The following ALK variants were observed in gnomAD, a reference collection of about 807,000 sequenced individuals.
ALK encodes the protein ALK tyrosine kinase receptor.
In ALK, 74 loss-of-function variants were observed where a neutral mutation model predicts 163.1. That is an observed-to-expected ratio of 0.45 (90% CI 0.38 to 0.55). ALK has a LOEUF of 0.55. ALK is among the 20% of genes least tolerant of loss of function. ALK has a pLI of 0.00. For synonymous variants in ALK, 960 were observed against 843.2 expected (o/e 1.14, Z -2.40); for missense variants, 2,063 against 2,105.3 (o/e 0.98, Z 0.39).
At chr2:29,218,758 T>G (rs1256367238) in intron 23 of ALK, among the ~76,000 whole-genome samples, 1 of 152,252 alleles carries the variant, frequency 6.6e-6, no homozygotes, top group East Asian at 1.9e-4. Flanking sequence ...GGGCTGTGCC[T>G]CTTCCCAAAG....
rs200110390 is a variant in ALK at position 29,207,320 on chromosome 2, A to T, written c.3837-48T>A. On this transcript the variant is annotated intron_variant, in intron 25 of 28. Coordinates refer to ENST00000389048, the MANE Select transcript of ALK (RefSeq NM_004304.5). ...CAAACTAGGATCTGGAGATGGCATT[A>T]AGCATCTGCCCTGCTGGGAAAGTTG... The T allele has an allele frequency of 5.8e-5, 82 of 1,411,494 alleles. No homozygotes were observed. The African/African-American group carries it at 1.1e-3, about 18-fold the overall frequency. The allele number at this position is 1,411,494 out of a possible 1,614,324, so 87.4% of individuals were successfully genotyped here.
chr2:29,455,728 TG>T (rs1306946708), intron 4 of ALK, among the ~76,000 whole-genome samples: 1 of 152,148 alleles, frequency 6.6e-6, no homozygotes, highest in Non-Finnish European at 1.5e-5. Flanking sequence ...GTAAGAGAAA[TG>T]GGAATTCAAA....
At chr2:29,402,107 G>A (rs982059605) in intron 4 of ALK, among the ~76,000 whole-genome samples, 5 of 152,208 alleles carry the variant, frequency 3.3e-5, no homozygotes, top group Non-Finnish European at 5.9e-5. Context: ...CTTTGGCAGC[G>A]GGTGTTGAGT....
intron 3 of ALK, among the ~76,000 whole-genome samples, chr2:29,548,330 G>A (rs930366086): frequency 3.3e-5 from 5 of 152,204 alleles, no homozygotes; most frequent in South Asian, 4.2e-4. Context: ...AAACTTAGCC[G>A]GGCGTGGTGG....
At chr2:29,687,515 A>AT (rs1314877913) in intron 3 of ALK, among the ~76,000 whole-genome samples, 1 of 151,972 alleles carries the variant, frequency 6.6e-6, no homozygotes, top group Non-Finnish European at 1.5e-5. Flanking sequence ...TCGAATGATA[A>AT]TTTTTTATTC....
At chr2:29,583,047 T>TG (rs1553335230) in intron 3 of ALK, among the ~76,000 whole-genome samples, 1 of 149,872 alleles carries the variant, frequency 6.7e-6, no homozygotes, top group African/African-American at 2.5e-5. Flanking sequence ...TTTTTGTTTT[T>TG]TTGTTTTTTT....
At chr2:29,414,213 C>T (rs7592961) in intron 4 of ALK, among the ~76,000 whole-genome samples, 10,087 of 152,156 alleles carry the variant, frequency 0.066, 1,088 homozygotes, top group African/African-American at 0.22. Flanking sequence ...TTATGTGGCA[C>T]GTGACTATAT....
chr2:29,685,336 T>C (rs1678204474), intron 3 of ALK, among the ~76,000 whole-genome samples: 1 of 152,132 alleles, frequency 6.6e-6, no homozygotes, highest in South Asian at 2.1e-4. Context: ...TTTCTAGCAA[T>C]GTGCCTTCTC....
chr2:29,894,927 G>A (rs1457393764), intron 1 of ALK, among the ~76,000 whole-genome samples: 2 of 151,996 alleles, frequency 1.3e-5, no homozygotes, highest in African/African-American at 2.4e-5. Context: ...CTCCTATAGA[G>A]AGATGTAGCA....
rs181456174 is a variant in ALK, at chr2:29,773,075, T to C, written c.668-55378A>G. ...ACATTGATGTTGGAACTATACTCAT[T>C]TGTTAATTACAACCATATGTTGACT... is the stretch of plus-strand genomic sequence containing the variant. On this transcript the variant is annotated intron_variant, in intron 1 of 28. Coordinates refer to ENST00000389048, the MANE Select transcript of ALK (RefSeq NM_004304.5). 7.9e-4 allele frequency among the ~76,000 whole-genome samples: 120 copies of C among 152,366 alleles called. No individual in the cohort carries two copies. In the East Asian group the frequency reaches 0.019, roughly 25 times the overall value.
chr2:29,334,521 G>A (rs149606098), intron 5 of ALK, among the ~76,000 whole-genome samples: 5 of 152,252 alleles, frequency 3.3e-5, no homozygotes, highest in African/African-American at 1.2e-4. Context: ...TGGTGGGCAT[G>A]GAAGGTCAGG....
At chr2:29,310,605 C>T (rs979001548) in intron 8 of ALK, among the ~76,000 whole-genome samples, 1 of 152,238 alleles carries the variant, frequency 6.6e-6, no homozygotes, top group African/African-American at 2.4e-5. Context: ...GTAGAATAAA[C>T]ACCCCAAAGA....
chr2:29,526,699 G>A (rs1672968080), intron 4 of ALK, among the ~76,000 whole-genome samples: 1 of 152,214 alleles, frequency 6.6e-6, no homozygotes, highest in Non-Finnish European at 1.5e-5. Flanking sequence ...ATGCAGGCAA[G>A]ATTCGAAGAG....
chr2:29,306,961 A>G (rs1430305386), intron 8 of ALK, among the ~76,000 whole-genome samples: 2 of 152,226 alleles, frequency 1.3e-5, no homozygotes, highest in South Asian at 2.1e-4. Context: ...CTCGGAAGGG[A>G]CTGATAGACT....
At chr2:29,715,796 G>T (rs1414100472) in intron 2 of ALK, among the ~76,000 whole-genome samples, 1 of 152,170 alleles carries the variant, frequency 6.6e-6, no homozygotes, top group African/African-American at 2.4e-5. Context: ...ATAGATACTT[G>T]CCCTTATCAT....
chr2:29,467,818 TACA>T (rs1483367220), intron 4 of ALK, among the ~76,000 whole-genome samples: 4 of 152,374 alleles, frequency 2.6e-5, no homozygotes, highest in South Asian at 2.1e-4. Context: ...TGCAAAAATG[TACA>T]ACAACTCTTC....
chr2:29,878,259 G>A (rs889476419), intron 1 of ALK, among the ~76,000 whole-genome samples: 4 of 152,130 alleles, frequency 2.6e-5, no homozygotes, highest in Non-Finnish European at 5.9e-5. Context: ...AAGGGCAAGA[G>A]GCACAGAAAT....
chr2:29,859,475 T>C (rs1382837369), intron 1 of ALK, among the ~76,000 whole-genome samples: 1 of 152,102 alleles, frequency 6.6e-6, no homozygotes, highest in Non-Finnish European at 1.5e-5. Flanking sequence ...ACTTCACCCA[T>C]ATGTATTAAA....
At chr2:29,626,373 ATGGT>A (rs970627301) in intron 3 of ALK, among the ~76,000 whole-genome samples, 19 of 152,116 alleles carry the variant, frequency 1.2e-4, no homozygotes, top group African/African-American at 4.3e-4. Flanking sequence ...AAGAGATCTG[ATGGT>A]TTTATAAACA....
Sources: allele counts gnomAD v4.1 joint callset (sites outside exome capture counted in the v4.1 genomes callset), GRCh38; gene constraint gnomAD v4.1.1; transcripts MANE v1.5; gene names NCBI Gene and HGNC (gene_info 2026-07-23, HGNC 2026-07-21).